The following HSPA8 variants were observed in gnomAD, a reference collection of about 807,000 sequenced individuals.
HSPA8 encodes the protein heat shock protein family A (Hsp70) member 8, also known as heat shock cognate 71 kDa protein.
A neutral mutation model predicts 52.8 loss-of-function variants in HSPA8; 2 were observed. That is an observed-to-expected ratio of 0.04 (90% CI 0.02 to 0.12). The LOEUF is 0.12. Among genes scored for constraint, HSPA8 ranks in the 10% least tolerant of loss-of-function variants. The pLI, the probability that HSPA8 is intolerant of heterozygous loss-of-function variation, is 1.00. For synonymous variants in HSPA8, 436 were observed against 274.0 expected (o/e 1.59, Z -5.84); for missense variants, 349 against 800.5 (o/e 0.44, Z 6.81).
At position 123,057,527 on chromosome 11, in the gene HSPA8, T is replaced by C. The variant is rs1484276296; in HGVS notation, c.*207A>G. 7 of 467,340 alleles carry C rather than the reference T, an allele frequency of 1.5e-5. No individual in the cohort carries two copies. Among genetic ancestry groups the C allele is most frequent in the East Asian group, 3.6e-5 (1 of 28,160 alleles). The allele number at this position is 467,340 out of a possible 1,614,324, so 28.9% of individuals were successfully genotyped here. On this transcript the variant is annotated 3_prime_UTR_variant, in exon 9 of 9. Transcript: ENST00000534624. Reference sequence around the variant, plus strand: ...ATTTTAAATAGTTTTATTTAAGACATTGCATTTTCCACTTACAATACAGTG... The same window carrying C: ...ATTTTAAATAGTTTTATTTAAGACACTGCATTTTCCACTTACAATACAGTG...
At position 123,060,950 on chromosome 11, in the gene HSPA8, A is replaced by G. The variant is rs1407482833; in HGVS notation, c.206-152T>C. 3 of 873,816 alleles carry G rather than the reference A, an allele frequency of 3.4e-6. No individual in the cohort carries two copies. In the Admixed American group the frequency reaches 7.4e-5, roughly 22 times the overall value. The allele number at this position is 873,816 out of a possible 1,614,324, so 54.1% of individuals were successfully genotyped here. A position where few individuals can be genotyped will look rare whatever the true frequency, so the allele number is the denominator to read the frequency against. On this transcript the variant is annotated intron_variant, in intron 2 of 8. Coordinates refer to ENST00000534624, the MANE Select transcript of HSPA8 (RefSeq NM_006597.6). ...GGTTCAAACTTCAACCTCCTACGTTATCCAGATTTCAGCCTGAAAGGTTTC... is the reference window on the plus strand; with the variant it reads ...GGTTCAAACTTCAACCTCCTACGTTGTCCAGATTTCAGCCTGAAAGGTTTC...
At chr11:123,059,348 CAAGG>C (rs1358792897) in intron 5 of HSPA8, 87 bp from the exon 6 acceptor site, 1 of 1,384,980 alleles carries the variant, frequency 7.2e-7, no homozygotes, top group Non-Finnish European at 1.0e-6. Context: ...CTCAGACATC[CAAGG>C]AAGGTGTTGC....
rs997092860 is a variant in HSPA8 at position 123,062,117 on chromosome 11, C to G, written c.-59G>C. ...AAGGAAGCCACAAAAAACCCAAGAG[C>G]TGCAGGCGAGTTCAATGAGACCGGT... On this transcript the variant is annotated 5_prime_UTR_variant, in exon 1 of 9. Transcript: ENST00000534624. The G allele has an allele frequency of 6.5e-6, 1 of 152,930 alleles. No individual in the cohort carries two copies. The highest frequency in any genetic ancestry group is 1.5e-5 in the Non-Finnish European group (1 of 68,628). The allele number at this position is 152,930 out of a possible 1,614,324, so 9.5% of individuals were successfully genotyped here.
chr11:123,058,318 G>A lies in HSPA8; in HGVS notation c.1689C>T (p.Asn563=), dbSNP rs199882006. ...VEDEKLQGKI[N]DEDKQKILDK... is the part of the protein sequence containing the mutation. Reference sequence around the variant, plus strand: ...CCAGAATCTTCTGTTTGTCCTCATCGTTAATCTTGCCTTGAAGTTTCTCAT... The same window carrying A: ...CCAGAATCTTCTGTTTGTCCTCATCATTAATCTTGCCTTGAAGTTTCTCAT... The change falls in exon 8 of 9, where the codon AAC becomes AAT. Residue 563 remains asparagine, a synonymous_variant. Transcript: ENST00000534624. 419 of 1,612,398 alleles carry A rather than the reference G, an allele frequency of 2.6e-4. No homozygotes were observed. The highest frequency in any genetic ancestry group is 3.4e-4 in the South Asian group (31 of 91,016).
chr11:123,059,212 A>G lies in HSPA8; in HGVS notation c.1170T>C (p.Asp390=), dbSNP rs1865414746. 3.7e-6 allele frequency: 6 copies of G among 1,612,462 alleles called. No homozygotes were observed. In the Admixed American group the frequency reaches 6.7e-5, roughly 18 times the overall value. The part of the protein sequence containing the change: ...LSGDKSENVQ[D]LLLLDVTPLS... ...GAGGAGTGACATCCAAGAGCAGCAA[A>G]TCTTGAACATTCTCAGACTTGTCTC... Residue 390 remains aspartate (D), a synonymous_variant, in exon 6 of 9, where the codon GAT becomes GAC. Coordinates refer to ENST00000534624, the MANE Select transcript of HSPA8 (RefSeq NM_006597.6).
chr11:123,058,549 T>TCTTA, intron 7 of HSPA8, 65 bp from the exon 8 acceptor site: 1 of 1,574,762 alleles, frequency 6.4e-7, no homozygotes, highest in Non-Finnish European at 8.7e-7. Context: ...CTCTAGTTTC[T>TCTTA]CTTAGCTAGA....
chr11:123,058,138 GT>G (rs1332718289), intron 8 of HSPA8, 113 bp downstream of exon 8: 2 of 784,142 alleles, frequency 2.6e-6, no homozygotes, highest in African/African-American at 3.6e-5. Context: ...AACCGCGAAT[GT>G]TTTGGACCAT....
intron 3 of HSPA8, 152 bp from the exon 4 acceptor site, chr11:123,060,420 CTGG>C: frequency 2.1e-6 from 2 of 947,106 alleles, no homozygotes; most frequent in Non-Finnish European, 3.3e-6. Flanking sequence ...TCACTGGTTT[CTGG>C]TGTTGACAGA....
Position 123,059,271 on chromosome 11 carries a change from A to G in HSPA8, c.1121-10T>C. 1 of 1,609,940 alleles carries G rather than the reference A, an allele frequency of 6.2e-7. No individual in the cohort carries two copies. The highest frequency in any genetic ancestry group is 8.5e-7 in the Non-Finnish European group (1 of 1,177,412). On this transcript the variant is annotated splice_polypyrimidine_tract_variant and intron_variant, in intron 5 of 8. Transcript: ENST00000534624. ...ATGGCTGCCTGGACAGCTAGCAAAC[A>G]AAAAGTTAACGTTAAAAGAAGTTAA...
intron 8 of HSPA8, 26 bp from the exon 9 acceptor site, chr11:123,057,945 G>A (rs776578052): frequency 8.4e-6 from 13 of 1,542,260 alleles, no homozygotes; most frequent in Admixed American, 3.9e-5. Flanking sequence ...AGGAATTACT[G>A]CAAGTTCTTT....
Position 123,059,759 on chromosome 11 carries a change from G to A in HSPA8, c.834C>T (p.Thr278=), listed in dbSNP as rs1181945239. 1 of 1,613,846 alleles carries A rather than the reference G, an allele frequency of 6.2e-7. No homozygotes were observed. The highest frequency in any genetic ancestry group is 8.5e-7 in the Non-Finnish European group (1 of 1,179,858). The change falls in exon 5 of 9, where the codon ACC becomes ACT. Residue 278 remains threonine (T), a synonymous_variant. Transcript: ENST00000534624. The stretch of plus-strand genomic sequence containing the variant: ...GAGAATCGATCTCAATACTGGCCTG[G>A]GTGCTGGAAGAGAGGGTACGCTTAG... ...ERAKRTLSSS[T]QASIEIDSLY... is the part of the protein sequence containing the mutation.
In HSPA8 at chr11:123,062,057, G is replaced by GT. The variant is rs1168923441; in HGVS notation, c.-6+6dup. 6.6e-6 allele frequency: 1 copy of GT among 152,626 alleles called. No homozygotes were observed. Among genetic ancestry groups the GT allele is most frequent in the Admixed American group, 6.5e-5 (1 of 15,298 alleles). 9.5% of individuals were successfully genotyped at this position (152,626 alleles called of 1,614,324 possible). A position where few individuals can be genotyped will look rare whatever the true frequency, so the allele number is the denominator to read the frequency against. ...CCCACAACCCAACTCTTGAGCAGAG[G>GT]TTTTACCTGGGGTGTAGGCCTGGCT... On this transcript the variant is annotated splice_region_variant and intron_variant, in intron 1 of 8. Coordinates refer to ENST00000534624, the MANE Select transcript of HSPA8 (RefSeq NM_006597.6).
In HSPA8 at chr11:123,060,288, C is replaced by T; in HGVS notation, c.412-20G>A. The T allele has an allele frequency of 1.2e-6, 2 of 1,609,842 alleles. No individual in the cohort carries two copies. Among genetic ancestry groups the T allele is most frequent in the Non-Finnish European group, 1.7e-6 (2 of 1,178,102 alleles). ...AACAGTCTAGGAATAAGGAAAAGACCACAGATTGGTAACTATTATACTTAC... is the reference window on the plus strand; with the variant it reads ...AACAGTCTAGGAATAAGGAAAAGACTACAGATTGGTAACTATTATACTTAC... On this transcript the variant is annotated intron_variant, in intron 3 of 8. Transcript: ENST00000534624.
In HSPA8 at chr11:123,057,768, GCACCACCAGAGGGAGGAGCTC is replaced by G. The variant is rs1218961298; in HGVS notation, c.1886_1906del (p.Gly629_Gly635del). ...CTCTTCAATGGTGGGCCCTGAGGAAGCACCACCAGAGGGAGGAGCTCCACCACCAGGAAATCCCCCAGGCAT... is the reference window on the plus strand; with the variant it reads ...CTCTTCAATGGTGGGCCCTGAGGAAGCACCACCAGGAAATCCCCCAGGCAT... On this transcript the variant is annotated inframe_deletion, in exon 9 of 9. Coordinates refer to ENST00000534624, the MANE Select transcript of HSPA8 (RefSeq NM_006597.6). The G allele has an allele frequency of 2.5e-6, 4 of 1,613,326 alleles. No homozygotes were observed. Among genetic ancestry groups the G allele is most frequent in the South Asian group, 1.1e-5 (1 of 91,034 alleles).
At chr11:123,060,947 G>T in intron 2 of HSPA8, 149 bp from the exon 3 acceptor site, 1 of 877,056 alleles carries the variant, frequency 1.1e-6, no homozygotes, top group Non-Finnish European at 1.8e-6. Context: ...AACCTCCTAC[G>T]TTATCCAGAT....
At chr11:123,061,504 C>T (rs1053965588) in intron 1 of HSPA8, 175 bp from the exon 2 acceptor site, 1 of 613,586 alleles carries the variant, frequency 1.6e-6, no homozygotes, top group Non-Finnish European at 2.9e-6. Flanking sequence ...TCCAGGTTGC[C>T]GTGCCAACCG....
At position 123,058,353 on chromosome 11, in the gene HSPA8, T is replaced by C. The variant is rs778459169; in HGVS notation, c.1654A>G (p.Thr552Ala). The stretch of plus-strand genomic sequence containing the variant: ...CCTTGAAGTTTCTCATCTTCAACAG[T>C]TGCTTTCATGTTGAAGGCATAGGAC... ...LESYAFNMKATVEDEKLQGKI... is the reference protein window; with the variant it reads ...LESYAFNMKAAVEDEKLQGKI... Residue 552 changes from threonine to alanine, a missense_variant, in exon 8 of 9, where the codon ACT (threonine) becomes GCT (alanine). Physicochemically the swap from Thr to Ala is moderately conservative, Grantham distance 58. Coordinates refer to ENST00000534624, the MANE Select transcript of HSPA8 (RefSeq NM_006597.6). 7.4e-6 allele frequency: 12 copies of C among 1,612,428 alleles called. No homozygotes were observed. Among genetic ancestry groups the C allele is most frequent in the Non-Finnish European group, 1.0e-5 (12 of 1,178,440 alleles).
Position 123,059,227 on chromosome 11 carries a change from A to T in HSPA8, c.1155T>A (p.Ser385=), listed in dbSNP as rs1020468229. The part of the protein sequence containing the change: ...VQAAILSGDK[S]ENVQDLLLLD... ...AGAGCAGCAAATCTTGAACATTCTC[A>T]GACTTGTCTCCAGACAAGATGGCTG... Residue 385 remains serine (S), a synonymous_variant, in exon 6 of 9, where the codon TCT becomes TCA. Transcript: ENST00000534624. 5 of 1,612,802 alleles carry T rather than the reference A, an allele frequency of 3.1e-6. No homozygotes were observed. The African/African-American group carries it at 5.3e-5, about 17-fold the overall frequency.
chr11:123,058,219 G>C (rs200605052), intron 8 of HSPA8, 33 bp downstream of exon 8: 2 of 1,241,570 alleles, frequency 1.6e-6, no homozygotes, highest in Admixed American at 2.0e-5. Context: ...TCCATTGAGT[G>C]GGGGAGGAAA....
Sources: gnomAD v4.1 joint callset for allele counts on GRCh38, gnomAD v4.1.1 for gene constraint, MANE v1.5 for transcripts, NCBI Gene and HGNC (gene_info 2026-07-23, HGNC 2026-07-21) for gene names.